The following ELF1 variants were observed in gnomAD, a reference collection of about 807,000 sequenced individuals.
The protein encoded by ELF1 is E74 like ETS transcription factor 1.
In ELF1, 24 loss-of-function variants were observed where a neutral mutation model predicts 59.9. The observed-to-expected ratio is 0.40, with a 90% CI of 0.29 to 0.56. ELF1 has a LOEUF of 0.56. Ranked by LOEUF, ELF1 falls within the 20% of genes least tolerant of loss-of-function variation. The pLI, the probability that ELF1 is intolerant of heterozygous loss-of-function variation, is 0.44. For missense variants in ELF1, 627 were observed against 742.2 expected, an observed-to-expected ratio of 0.84 and a Z score of 1.80; for synonymous variants, 248 against 266.2, an observed-to-expected ratio of 0.93 and a Z score of 0.67.
At chr13:40,942,012 GTT>G (rs1399990378) in intron 7 of ELF1, among the ~76,000 whole-genome samples, 2 of 152,012 alleles carry the variant, frequency 1.3e-5, no homozygotes, top group Non-Finnish European at 2.9e-5. Context: ...TCAAGAAATT[GTT>G]TCTCCTCCAC....
chr13:40,992,718 G>T (rs1593383593), intron 1 of ELF1: 1 of 208,546 alleles, frequency 4.8e-6, no homozygotes, highest in South Asian at 9.7e-5. Flanking sequence ...TTTTCCTTTT[G>T]TAGTGTTTTC....
intron 1 of ELF1, among the ~76,000 whole-genome samples, chr13:40,999,549 G>T (rs1874302887): frequency 6.6e-6 from 1 of 152,186 alleles, no homozygotes; most frequent in African/African-American, 2.4e-5. Context: ...AGTAAAAAAA[G>T]TTGCTGGAGG....
chr13:40,949,683 G>A, intron 5 of ELF1, 123 bp downstream of exon 5: 2 of 1,197,496 alleles, frequency 1.7e-6, no homozygotes, highest in Non-Finnish European at 1.2e-6. Flanking sequence ...TCCATTTTGT[G>A]CCTTCAATGT....
chr13:41,055,629 C>T (rs528939571), intron 1 of ELF1, among the ~76,000 whole-genome samples: 2 of 152,234 alleles, frequency 1.3e-5, no homozygotes, highest in East Asian at 3.9e-4. Flanking sequence ...GCACTTACCA[C>T]ATTTGTGGAA....
chr13:41,009,284 G>C (rs1031988352), intron 1 of ELF1, among the ~76,000 whole-genome samples: 1 of 147,122 alleles, frequency 6.8e-6, no homozygotes, highest in African/African-American at 2.5e-5. Context: ...CATAAAGCTT[G>C]AAAAAAAAAA....
chr13:41,042,133 C>T (rs1876635941), intron 1 of ELF1, among the ~76,000 whole-genome samples: 1 of 152,086 alleles, frequency 6.6e-6, no homozygotes, highest in African/African-American at 2.4e-5. Context: ...AGGGATCCTC[C>T]TACCTGAGCC....
chr13:41,016,951 T>TAC (rs1566190621), intron 1 of ELF1, among the ~76,000 whole-genome samples: 2 of 49,290 alleles, frequency 4.1e-5, no homozygotes, highest in African/African-American at 1.4e-4. Context: ...AAAAAAAATA[T>TAC]ATATATATAT....
chr13:40,965,696 G>GGCT (rs2138217336), intron 2 of ELF1, among the ~76,000 whole-genome samples: 1 of 151,918 alleles, frequency 6.6e-6, no homozygotes, highest in Admixed American at 6.5e-5. Flanking sequence ...CCATTTGACT[G>GGCT]GCTGCTACTT....
chr13:40,977,597 A>C (rs1394658547), intron 2 of ELF1, among the ~76,000 whole-genome samples: 1 of 152,204 alleles, frequency 6.6e-6, no homozygotes, highest in Non-Finnish European at 1.5e-5. Context: ...AAAACAAAAA[A>C]TATATTCTAA....
chr13:41,011,414 G>A (rs1022649908), intron 1 of ELF1, among the ~76,000 whole-genome samples: 1 of 152,080 alleles, frequency 6.6e-6, no homozygotes, highest in Non-Finnish European at 1.5e-5. Flanking sequence ...ACTTACATCT[G>A]AATCTACCCA....
At position 40,974,560 on chromosome 13, in the gene ELF1, T is replaced by G. The variant is rs372878700; in HGVS notation, c.72+7423A>C. On this transcript the variant is annotated intron_variant, in intron 2 of 8. Coordinates refer to ENST00000239882, the MANE Select transcript of ELF1 (RefSeq NM_172373.4). ...ATAGGATAATCCCTATAAAGCACAG[T>G]GCATGGGGCAAGATGCTCACTAAAC... 1.3e-3 allele frequency among the ~76,000 whole-genome samples: 192 copies of G among 152,278 alleles called. 5 individuals are homozygous for G. In the South Asian group the frequency reaches 0.038, roughly 30 times the overall value.
chr13:40,938,408 G>A (rs755807230), intron 8 of ELF1, among the ~76,000 whole-genome samples: 3 of 152,172 alleles, frequency 2.0e-5, no homozygotes, highest in Non-Finnish European at 4.4e-5. Context: ...ATGAGTGAAG[G>A]ACAAAATTAA....
At chr13:41,057,912 T>C (rs1255462237) in intron 1 of ELF1, among the ~76,000 whole-genome samples, 6 of 152,212 alleles carry the variant, frequency 3.9e-5, no homozygotes, top group Non-Finnish European at 5.9e-5. Flanking sequence ...CCAAGGTCAC[T>C]TTCAACAAAG....
In ELF1 at chr13:41,019,250, G is replaced by A. The variant is rs368032748; in HGVS notation, c.-251C>T. The A allele has an allele frequency of 1.0e-5, 10 of 985,324 alleles. No individual in the cohort carries two copies. Among genetic ancestry groups the A allele is most frequent in the East Asian group, 1.1e-4 (1 of 8,814 alleles). 61.0% of individuals were successfully genotyped at this position (985,324 alleles called of 1,614,324 possible). A position where few individuals can be genotyped will look rare whatever the true frequency, so the allele number is the denominator to read the frequency against. The stretch of plus-strand genomic sequence containing the variant: ...TACCTTCAAGTATTCTTTCTCTATC[G>A]TCTTTTGAGCTTGAAAATAAAAAGC... On this transcript the variant is annotated 5_prime_UTR_variant, in exon 1 of 9. The change creates a new upstream start codon in the 5' untranslated region. Coordinates refer to ENST00000239882, the MANE Select transcript of ELF1 (RefSeq NM_172373.4).
intron 1 of ELF1, among the ~76,000 whole-genome samples, chr13:41,040,189 T>C (rs1263223408): frequency 6.6e-6 from 1 of 152,226 alleles, no homozygotes; most frequent in African/African-American, 2.4e-5. Flanking sequence ...CGTGCAAAGA[T>C]GTAGATATAT....
intron 1 of ELF1, among the ~76,000 whole-genome samples, chr13:41,035,656 C>CA (rs1783564867): frequency 6.7e-6 from 1 of 149,494 alleles, no homozygotes; most frequent in African/African-American, 2.5e-5. Flanking sequence ...TCAACACCCC[C>CA]ATATACATTA....
intron 1 of ELF1, among the ~76,000 whole-genome samples, chr13:41,014,579 T>C (rs920275994): frequency 3.9e-5 from 6 of 152,148 alleles, no homozygotes; most frequent in African/African-American, 1.4e-4. Flanking sequence ...AAAAAACTCT[T>C]TTGTAGGTTC....
At position 40,941,286 on chromosome 13, in the gene ELF1, T is replaced by C. The variant is rs1032880556; in HGVS notation, c.891A>G (p.Ile297Met). 16 of 1,613,918 alleles carry C rather than the reference T, an allele frequency of 9.9e-6. No homozygotes were observed. In the African/African-American group the frequency reaches 1.5e-4, roughly 15 times the overall value. Reference sequence around the variant, plus strand: ...AACTTGGATCCTCATCATTTATATATATAAGATCTTTTGGCATTTCTTTAA... The same window carrying C: ...AACTTGGATCCTCATCATTTATATACATAAGATCTTTTGGCATTTCTTTAA... ...YQFKEMPKDL[I>M]YINDEDPSSS... The change falls in exon 8 of 9, where the codon ATA becomes ATG. Residue 297 changes from isoleucine to methionine, a missense_variant. By Grantham distance (10) the Ile-to-Met change is conservative. Coordinates refer to ENST00000239882, the MANE Select transcript of ELF1 (RefSeq NM_172373.4).
intron 1 of ELF1, among the ~76,000 whole-genome samples, chr13:41,053,185 C>G (rs1313436743): frequency 6.6e-6 from 1 of 152,054 alleles, no homozygotes; most frequent in African/African-American, 2.4e-5. Context: ...GAAATTCCAT[C>G]TCTACTAAAA....
Sources: gnomAD v4.1 joint callset for allele counts (sites outside exome capture counted in the v4.1 genomes callset) on GRCh38, gnomAD v4.1.1 for gene constraint, MANE v1.5 for transcripts, NCBI Gene and HGNC (gene_info 2026-07-23, HGNC 2026-07-21) for gene names.